Variants in CCNB1IP1 observed in about 807,000 individuals in gnomAD.
CCNB1IP1 encodes E3 ubiquitin-protein ligase CCNB1IP1.
A neutral mutation model predicts 25.6 loss-of-function variants in CCNB1IP1; 14 were observed. The ratio of observed to expected loss-of-function variants is 0.55; its 90% CI spans 0.36 to 0.85. The LOEUF (loss-of-function observed/expected upper bound fraction) is 0.85, where lower values mean the gene tolerates loss of function less well. Among genes scored for constraint, CCNB1IP1 ranks in the 40% least tolerant of loss-of-function variants. The probability of loss-of-function intolerance (pLI) is 0.01; values close to 1 mark genes in which losing one functional copy is unlikely to be tolerated. For synonymous variants in CCNB1IP1, 119 were observed against 116.1 expected (o/e 1.02, Z -0.16); for missense variants, 278 against 342.4 (o/e 0.81, Z 1.48).
At chr14:20,332,515 A>G (rs898870912) in intron 1 of CCNB1IP1, among the ~76,000 whole-genome samples, 2 of 152,156 alleles carry the variant, frequency 1.3e-5, no homozygotes, top group Admixed American at 6.6e-5. Flanking sequence ...GTTTTTATAT[A>G]TTTTATCTGA....
At chr14:20,326,395 C>T (rs1883076779) in intron 3 of CCNB1IP1, 1 of 499,540 alleles carries the variant, frequency 2.0e-6, no homozygotes, top group South Asian at 1.5e-5. Context: ...CAGACTAAAT[C>T]CCAGTATGAA....
intron 4 of CCNB1IP1, among the ~76,000 whole-genome samples, chr14:20,317,368 T>G (rs1220513090): frequency 6.6e-6 from 1 of 151,922 alleles, no homozygotes; most frequent in Non-Finnish European, 1.5e-5. Flanking sequence ...ATCGCGCCAT[T>G]GCACTCCAGC....
At chr14:20,329,612 C>T (rs979988253) in intron 1 of CCNB1IP1, among the ~76,000 whole-genome samples, 1 of 152,088 alleles carries the variant, frequency 6.6e-6, no homozygotes, top group Admixed American at 6.5e-5. Context: ...AGGTCAATTC[C>T]GTATCTTGGC....
At chr14:20,313,356 A>G in intron 6 of CCNB1IP1, 112 bp downstream of exon 6, 1 of 796,152 alleles carries the variant, frequency 1.3e-6, no homozygotes, top group Non-Finnish European at 2.0e-6. Flanking sequence ...GCCTACCACA[A>G]CTCAATGCTT....
chr14:20,317,901 G>T (rs1882764880), intron 4 of CCNB1IP1: 1 of 152,280 alleles, frequency 6.6e-6, no homozygotes, highest in African/African-American at 2.4e-5. Flanking sequence ...CTACGCCAGA[G>T]CGCGCATGCG....
chr14:20,325,302 T>G (rs1030405811), intron 4 of CCNB1IP1, among the ~76,000 whole-genome samples: 13 of 150,616 alleles, frequency 8.6e-5, no homozygotes, highest in African/African-American at 3.2e-4. Flanking sequence ...GCAACTGTAG[T>G]CCCAGCTACT....
At chr14:20,324,399 CT>C (rs1175927954) in intron 4 of CCNB1IP1, among the ~76,000 whole-genome samples, 1 of 152,152 alleles carries the variant, frequency 6.6e-6, no homozygotes, top group Non-Finnish European at 1.5e-5. Context: ...GTTAGCCAGG[CT>C]GGTCTTGAAC....
chr14:20,325,408 A>G (rs867612240), intron 4 of CCNB1IP1, 131 bp downstream of exon 4: 7 of 136,366 alleles, frequency 5.1e-5, no homozygotes, highest in African/African-American at 1.5e-4. Flanking sequence ...GCGACAGAGC[A>G]AGACTCCGTC....
chr14:20,313,868 C>A, intron 5 of CCNB1IP1, 67 bp from the exon 6 acceptor site: 1 of 1,215,874 alleles, frequency 8.2e-7, no homozygotes, highest in Non-Finnish European at 1.1e-6. Context: ...AAATGTTATA[C>A]AAACACAAAA....
chr14:20,313,313 T>C (rs781379366), intron 6 of CCNB1IP1, among the ~76,000 whole-genome samples, 155 bp downstream of exon 6: 7 of 152,222 alleles, frequency 4.6e-5, no homozygotes, highest in Non-Finnish European at 1.0e-4. Context: ...AAAGCAATGA[T>C]GTACAGGTTG....
At position 20,321,296 on chromosome 14, in the gene CCNB1IP1, A is replaced by G. The variant is rs1013156942; in HGVS notation, c.-38+4243T>C. On this transcript the variant is annotated intron_variant, in intron 4 of 6. Transcript: ENST00000358932. Reference sequence around the variant, plus strand: ...CTGTTTATTTTGATACCTTGTTTTTATAGCCAAAAGTTGAGATTTGCAACA... The same window carrying G: ...CTGTTTATTTTGATACCTTGTTTTTGTAGCCAAAAGTTGAGATTTGCAACA... Among the ~76,000 whole-genome samples the G allele has an allele frequency of 3.9e-5, 6 of 152,208 alleles. No homozygotes were observed. In the South Asian group the frequency reaches 1.2e-3, roughly 32 times the overall value.
Position 20,332,026 on chromosome 14 carries a change from A to ATATATATATT in CCNB1IP1, c.-431+1227_-431+1228insAATATATATA, listed in dbSNP as rs59034398. ...TATACATATATATATATATATATAT[A>ATATATATATT]TTTTTTTTTTTTTTTTTTTTTTTTT... On this transcript the variant is annotated intron_variant, in intron 1 of 6. Transcript: ENST00000358932. Among the ~76,000 whole-genome samples the ATATATATATT allele has an allele frequency of 2.9e-4, 12 of 40,744 alleles. 1 individual carries two copies. The highest frequency in any genetic ancestry group is 1.0e-3 in the African/African-American group (12 of 11,492). 26.7% of individuals were successfully genotyped at this position (40,744 alleles called of 152,430 possible).
At chr14:20,325,262 A>G (rs1449018824) in intron 4 of CCNB1IP1, among the ~76,000 whole-genome samples, 2 of 150,544 alleles carry the variant, frequency 1.3e-5, no homozygotes, top group Admixed American at 6.6e-5. Context: ...TCTACTAAAA[A>G]TACAAAAAAT....
rs1555314496 is a variant in CCNB1IP1 at position 20,331,980 on chromosome 14, A to AATATATATATATATGATGTGTATAC, written c.-431+1249_-431+1273dup. ...CATGTGAATGTATTACCTATTCAAAAATATATATATATATGATGTGTATAC... is the reference window on the plus strand; with the variant it reads ...CATGTGAATGTATTACCTATTCAAAAATATATATATATATGATGTGTATACATATATATATATATGATGTGTATAC... On this transcript the variant is annotated intron_variant, in intron 1 of 6. Coordinates refer to ENST00000358932, the MANE Select transcript of CCNB1IP1 (RefSeq NM_021178.5). Among the ~76,000 whole-genome samples, 66 of 121,070 alleles carry AATATATATATATATGATGTGTATAC rather than the reference A, an allele frequency of 5.5e-4. 2 individuals carry two copies. The highest frequency in any genetic ancestry group is 8.4e-4 in the Non-Finnish European group (49 of 58,102). 79.4% of individuals were successfully genotyped at this position (121,070 alleles called of 152,430 possible).
rs149037087 is a variant in CCNB1IP1, at chr14:20,331,930, CTT to C, written c.-431+1322_-431+1323del. On this transcript the variant is annotated intron_variant, in intron 1 of 6. Transcript: ENST00000358932. ...ATGGCTTAGGGAAGGGGATAAGAAA[CTT>C]TGATATCTTTTGAATTTTGAACCAT... Among the ~76,000 whole-genome samples, 808 of 130,810 alleles carry C rather than the reference CTT, an allele frequency of 6.2e-3. 9 individuals carry two copies. The highest frequency in any genetic ancestry group is 0.022 in the African/African-American group (776 of 35,904). The allele number at this position is 130,810 out of a possible 152,430, so 85.8% of individuals were successfully genotyped here. A position where few individuals can be genotyped will look rare whatever the true frequency, so the allele number is the denominator to read the frequency against.
At chr14:20,315,090 C>CA (rs546805664) in intron 5 of CCNB1IP1, among the ~76,000 whole-genome samples, 3,559 of 24,284 alleles carry the variant, frequency 0.15, 287 homozygotes, top group Non-Finnish European at 0.17. Flanking sequence ...GACTCCGTCT[C>CA]AAAAAAAAAA....
intron 3 of CCNB1IP1, 164 bp downstream of exon 3, chr14:20,326,552 A>G (rs1245812453): frequency 1.9e-6 from 1 of 534,072 alleles, no homozygotes; most frequent in East Asian, 5.4e-5. Flanking sequence ...AGGGCAAACC[A>G]GCACTGGCTC....
At chr14:20,326,659 G>A in intron 3 of CCNB1IP1, 57 bp downstream of exon 3, 1 of 337,056 alleles carries the variant, frequency 3.0e-6, no homozygotes, top group Non-Finnish European at 6.1e-6. Context: ...CCCAAGTCTT[G>A]CTAAGTGATT....
intron 4 of CCNB1IP1, chr14:20,317,962 G>C (rs1882768898): frequency 6.6e-6 from 1 of 152,264 alleles, no homozygotes; most frequent in African/African-American, 2.4e-5. Context: ...GGAGTTGCGG[G>C]CCGCAGCTCC....
Sources: gnomAD v4.1 joint callset for allele counts (sites outside exome capture counted in the v4.1 genomes callset) on GRCh38, gnomAD v4.1.1 for gene constraint, MANE v1.5 for transcripts, NCBI Gene and HGNC (gene_info 2026-07-23, HGNC 2026-07-21) for gene names.